The following HBP1 variants were observed in gnomAD, a reference collection of about 807,000 sequenced individuals.
HBP1 encodes HMG box-containing protein 1.
In HBP1, 20 loss-of-function variants were observed where a neutral mutation model predicts 62.6. The observed-to-expected ratio is 0.32, with a 90% CI of 0.22 to 0.46. The LOEUF (loss-of-function observed/expected upper bound fraction) is 0.46. HBP1 is among the 20% of genes least tolerant of loss of function. HBP1 has a pLI of 1.00. For missense variants in HBP1, 480 were observed against 611.8 expected (o/e 0.78, Z 2.27); for synonymous variants, 232 against 206.2 (o/e 1.12, Z -1.07).
intron 6 of HBP1, among the ~76,000 whole-genome samples, chr7:107,187,967 T>TGG (rs933572060): frequency 3.3e-5 from 5 of 152,204 alleles, no homozygotes; most frequent in Non-Finnish European, 7.3e-5. Context: ...TCATGTCCTG[T>TGG]GGAATGCACT....
At chr7:107,170,954 T>C (rs1319667541) in intron 1 of HBP1, among the ~76,000 whole-genome samples, 1 of 145,268 alleles carries the variant, frequency 6.9e-6, no homozygotes, top group Admixed American at 6.9e-5. Flanking sequence ...CATATACATG[T>C]ATATATATAA....
chr7:107,191,018 A>G (rs1356952961), intron 8 of HBP1, among the ~76,000 whole-genome samples: 1 of 152,212 alleles, frequency 6.6e-6, no homozygotes, highest in African/African-American at 2.4e-5. Flanking sequence ...TGCTCCTAGA[A>G]GGAACCCAGA....
At chr7:107,189,232 A>G (rs928407764) in intron 6 of HBP1, 60 bp from the exon 7 acceptor site, 2 of 1,389,682 alleles carry the variant, frequency 1.4e-6, no homozygotes, top group Non-Finnish European at 2.0e-6. Context: ...TGTAATGGGA[A>G]CTTCACAGTG....
intron 1 of HBP1, chr7:107,174,300 T>C: frequency 4.4e-6 from 1 of 229,628 alleles, no homozygotes; most frequent in African/African-American, 2.3e-5. Flanking sequence ...TTCAGTTTTC[T>C]CAGGACCAAA....
chr7:107,185,886 G>A lies in HBP1; in HGVS notation c.484G>A (p.Glu162Lys). The part of the protein sequence containing the change: ...PPPVSSSSKS[E>K]PAFPHHHWKE... ...ACCAGTGTCCTCTTCTTCGAAGAGTGAACCAGCCTTCCCTCATCACCATTG... is the reference window on the plus strand; with the variant it reads ...ACCAGTGTCCTCTTCTTCGAAGAGTAAACCAGCCTTCCCTCATCACCATTG... The change falls in exon 4 of 11, where the codon GAA becomes AAA. Residue 162 changes from glutamate to lysine, a missense_variant. Around this residue, in one of 4 missense-constraint regions of HBP1, gnomAD observed 304 missense variants for 330.9 expected, o/e 0.92. Transcript: ENST00000222574. 1 of 1,612,634 alleles carries A rather than the reference G, an allele frequency of 6.2e-7. No individual in the cohort carries two copies. Among genetic ancestry groups the A allele is most frequent in the South Asian group, 1.1e-5 (1 of 91,050 alleles).
At chr7:107,182,692 TTTAAA>T (rs1170277325) in intron 3 of HBP1, 91 bp downstream of exon 3, 26 of 640,304 alleles carry the variant, frequency 4.1e-5, no homozygotes, top group Middle Eastern at 4.1e-4. Context: ...GTAGTAATAC[TTTAAA>T]TTATTAGAAT....
intron 10 of HBP1, 182 bp from the exon 11 acceptor site, chr7:107,201,231 CA>C: frequency 2.2e-6 from 1 of 454,190 alleles, no homozygotes; most frequent in Non-Finnish European, 4.0e-6. Context: ...AATGTCTTAT[CA>C]TTGCATACAT....
chr7:107,201,481 T>C lies in HBP1; in HGVS notation c.*50T>C. The C allele has an allele frequency of 1.6e-6, 2 of 1,212,384 alleles. No individual in the cohort carries two copies. The highest frequency in any genetic ancestry group is 1.9e-4 in the Middle Eastern group (1 of 5,262). The allele number at this position is 1,212,384 out of a possible 1,614,324, so 75.1% of individuals were successfully genotyped here. A position where few individuals can be genotyped will look rare whatever the true frequency, so the allele number is the denominator to read the frequency against. ...CTATATTTGCATATACATTGACTCT[T>C]GATGGAAAGACTTAAGAAGATCAAG... On this transcript the variant is annotated 3_prime_UTR_variant, in exon 11 of 11. Transcript: ENST00000222574.
Position 107,186,549 on chromosome 7 carries a change from G to A in HBP1, c.653-20G>A. 6.3e-7 allele frequency: 1 copy of A among 1,578,578 alleles called. No individual in the cohort carries two copies. The highest frequency in any genetic ancestry group is 8.7e-7 in the Non-Finnish European group (1 of 1,149,358). ...TAGTACAGTCACGTGTCTAATACGT[G>A]TTTTCTACCTAAACCTTAGGCACAC... is the stretch of plus-strand genomic sequence containing the variant. On this transcript the variant is annotated intron_variant, in intron 5 of 10. Coordinates refer to ENST00000222574, the MANE Select transcript of HBP1 (RefSeq NM_012257.4).
At chr7:107,195,225 T>C (rs1297223881) in intron 8 of HBP1, among the ~76,000 whole-genome samples, 1 of 152,206 alleles carries the variant, frequency 6.6e-6, no homozygotes, top group Non-Finnish European at 1.5e-5. Context: ...TTTCACCATG[T>C]TGCCCAGGCT....
intron 9 of HBP1, 113 bp downstream of exon 9, chr7:107,196,264 G>A: frequency 2.6e-6 from 2 of 772,588 alleles, no homozygotes; most frequent in Non-Finnish European, 4.5e-6. Flanking sequence ...TCAACTCTTA[G>A]GTTGACTTTT....
intron 2 of HBP1, among the ~76,000 whole-genome samples, chr7:107,181,610 A>G (rs1797110544): frequency 6.6e-6 from 1 of 151,768 alleles, no homozygotes; most frequent in African/African-American, 2.4e-5. Context: ...TGTATATTTA[A>G]GGGACCCAAT....
intron 6 of HBP1, among the ~76,000 whole-genome samples, chr7:107,187,866 A>G (rs1248732979): frequency 6.6e-6 from 1 of 152,156 alleles, no homozygotes; most frequent in Non-Finnish European, 1.5e-5. Flanking sequence ...CTGGTACTTG[A>G]CTGCCCGCAG....
rs1797151527 is a variant in HBP1, at chr7:107,182,405, G to A, written c.202G>A (p.Asp68Asn). ...TCCTGAACTTCAGGCAGTTCAAAGT[G>A]ATCCTACCCAATCTGGCATGTACCA... is the stretch of plus-strand genomic sequence containing the variant. ...DLPELQAVQS[D>N]PTQSGMYQLS... Residue 68 changes from aspartate to asparagine, a missense_variant, in exon 3 of 11, where the codon GAT (aspartate) becomes AAT (asparagine). Physicochemically the swap from Asp to Asn is conservative, Grantham distance 23 (BLOSUM62 1). Transcript: ENST00000222574. 1 of 1,612,806 alleles carries A rather than the reference G, an allele frequency of 6.2e-7. No individual in the cohort carries two copies. Among genetic ancestry groups the A allele is most frequent in the East Asian group, 2.2e-5 (1 of 44,890 alleles).
chr7:107,201,673 A>G lies in HBP1; in HGVS notation c.*242A>G, dbSNP rs2116050044. On this transcript the variant is annotated 3_prime_UTR_variant, in exon 11 of 11. Transcript: ENST00000222574. ...CTTATTTTTCTTCCAAACTTCATAT[A>G]TGTCTATCAGGTAATAATAGGCTTG... 5.0e-6 allele frequency: 2 copies of G among 397,056 alleles called. No individual in the cohort carries two copies. Among genetic ancestry groups the G allele is most frequent in the Non-Finnish European group, 9.0e-6 (2 of 221,216 alleles). 24.6% of individuals were successfully genotyped at this position (397,056 alleles called of 1,614,324 possible).
At chr7:107,176,282 C>T (rs536167919) in intron 1 of HBP1, among the ~76,000 whole-genome samples, 8 of 152,088 alleles carry the variant, frequency 5.3e-5, no homozygotes, top group Non-Finnish European at 1.2e-4. Flanking sequence ...CCTCGGCTTC[C>T]CAAAGTGCTG....
rs770703755 is a variant in HBP1, at chr7:107,200,229, A to G, written c.1455A>G (p.Leu485=). 1 of 1,612,744 alleles carries G rather than the reference A, an allele frequency of 6.2e-7. No individual in the cohort carries two copies. The highest frequency in any genetic ancestry group is 2.2e-5 in the East Asian group (1 of 44,862). The change falls in exon 10 of 11, where the codon TTA becomes TTG. Residue 485 remains leucine, a synonymous_variant. Coordinates refer to ENST00000222574, the MANE Select transcript of HBP1 (RefSeq NM_012257.4). ...MKNEERRMYT[L]EAKALAEEQK... The stretch of plus-strand genomic sequence containing the variant: ...ATGAAGAGAGAAGAATGTACACATT[A>G]GAAGCAAAGGCTTTGGCTGAAGAAC...
intron 1 of HBP1, among the ~76,000 whole-genome samples, chr7:107,176,355 T>G (rs1796851247): frequency 6.6e-6 from 1 of 152,150 alleles, no homozygotes; most frequent in South Asian, 2.1e-4. Flanking sequence ...CATAGCCAAG[T>G]CCTGCTCTGT....
chr7:107,198,145 G>C (rs1013588762), intron 9 of HBP1, among the ~76,000 whole-genome samples: 1 of 152,038 alleles, frequency 6.6e-6, no homozygotes, highest in Admixed American at 6.6e-5. Context: ...TTTATCTTTA[G>C]ATGTTTTGTT....
Sources: allele counts gnomAD v4.1 joint callset (sites outside exome capture counted in the v4.1 genomes callset), GRCh38; gene constraint gnomAD v4.1.1; regional missense constraint gnomAD v4.1.1; transcripts MANE v1.5; gene names NCBI Gene and HGNC (gene_info 2026-07-23, HGNC 2026-07-21).